TMEFF2: variants seen among roughly 807,000 people sequenced by gnomAD.
TMEFF2 encodes transmembrane protein with EGF like and two follistatin like domains 2.
In TMEFF2, 28 loss-of-function variants were observed where a neutral mutation model predicts 53.8. The ratio of observed to expected loss-of-function variants is 0.52; its 90% confidence interval spans 0.39 to 0.71. The LOEUF (loss-of-function observed/expected upper bound fraction) is 0.71, where lower values mean the gene tolerates loss of function less well. Among genes scored for constraint, TMEFF2 ranks in the 30% least tolerant of loss-of-function variants. TMEFF2 has a pLI of 0.00. For synonymous variants in TMEFF2, 162 were observed against 166.3 expected (o/e 0.97, Z 0.20); for missense variants, 353 against 455.2 (o/e 0.78, Z 2.04).
At chr2:192,119,773 T>A (rs1689504013) in intron 4 of TMEFF2, among the ~76,000 whole-genome samples, 1 of 152,232 alleles carries the variant, frequency 6.6e-6, no homozygotes, top group African/African-American at 2.4e-5. Context: ...AACAATGTCA[T>A]CTGTCCTCTA....
intron 5 of TMEFF2, among the ~76,000 whole-genome samples, chr2:192,049,850 A>C (rs1359512386): frequency 6.6e-6 from 1 of 152,040 alleles, no homozygotes; most frequent in African/African-American, 2.4e-5. Context: ...AAATACAAAA[A>C]ATTAGCCGGG....
intron 4 of TMEFF2, among the ~76,000 whole-genome samples, chr2:192,137,591 G>C (rs1199301460): frequency 6.6e-6 from 1 of 151,990 alleles, no homozygotes; most frequent in Non-Finnish European, 1.5e-5. Flanking sequence ...AAGGAGAGCA[G>C]GCATAGGTGG....
intron 4 of TMEFF2, among the ~76,000 whole-genome samples, chr2:192,170,595 A>G (rs1690885030): frequency 6.6e-6 from 1 of 152,050 alleles, no homozygotes; most frequent in African/African-American, 2.4e-5. Flanking sequence ...TTAGAAGAAA[A>G]TAGAGAAAAA....
In TMEFF2 at chr2:192,098,414, A is replaced by G. The variant is rs555745591; in HGVS notation, c.440-40639T>C. ...ATAATTTGCTCCAAAAAATTTCTTC[A>G]TTATCTGACAAGACAAGCTGCTCAA... On this transcript the variant is annotated intron_variant, in intron 4 of 9. Transcript: ENST00000272771. 6.6e-5 allele frequency among the ~76,000 whole-genome samples: 10 copies of G among 152,308 alleles called. No homozygotes were observed. In the South Asian group the frequency reaches 2.1e-3, roughly 32 times the overall value.
intron 4 of TMEFF2, among the ~76,000 whole-genome samples, chr2:192,097,631 G>A (rs1205326597): frequency 6.6e-6 from 1 of 152,136 alleles, no homozygotes; most frequent in East Asian, 1.9e-4. Context: ...TCCTGTTTAT[G>A]CGATATAGCA....
intron 7 of TMEFF2, among the ~76,000 whole-genome samples, chr2:191,972,269 C>T (rs937339497): frequency 1.4e-4 from 21 of 148,224 alleles, no homozygotes; most frequent in South Asian, 2.1e-4. Context: ...CTCAGCCTCC[C>T]GAATAGCTGG....
intron 5 of TMEFF2, among the ~76,000 whole-genome samples, chr2:192,014,509 G>A (rs182003228): frequency 6.6e-6 from 1 of 152,164 alleles, no homozygotes; most frequent in East Asian, 1.9e-4. Flanking sequence ...TTTGTTGTTA[G>A]TATCCTTAAG....
intron 7 of TMEFF2, among the ~76,000 whole-genome samples, chr2:191,984,122 A>G (rs1446684818): frequency 6.6e-6 from 1 of 151,858 alleles, no homozygotes; most frequent in East Asian, 1.9e-4. Flanking sequence ...TTTTTCTTTT[A>G]TTTTTCTTTT....
chr2:191,983,235 G>A (rs751376678), intron 7 of TMEFF2, among the ~76,000 whole-genome samples: 53 of 152,156 alleles, frequency 3.5e-4, no homozygotes, highest in Non-Finnish European at 6.8e-4. Flanking sequence ...AATAGTGGAA[G>A]GATGTTTGCA....
chr2:191,957,428 G>A (rs1692139037), intron 7 of TMEFF2, among the ~76,000 whole-genome samples: 1 of 152,052 alleles, frequency 6.6e-6, no homozygotes, highest in African/African-American at 2.4e-5. Flanking sequence ...ATGGAAAATG[G>A]CAAATGAATT....
chr2:191,970,811 C>T (rs956451597), intron 7 of TMEFF2, among the ~76,000 whole-genome samples: 8 of 152,094 alleles, frequency 5.3e-5, no homozygotes, highest in Middle Eastern at 3.2e-3. Flanking sequence ...AGATTGGTTT[C>T]GGCTAGGATG....
chr2:192,083,794 T>C (rs1688607510), intron 4 of TMEFF2, among the ~76,000 whole-genome samples: 1 of 151,664 alleles, frequency 6.6e-6, no homozygotes, highest in Non-Finnish European at 1.5e-5. Context: ...TATTCACATA[T>C]GAAATGTCTG....
chr2:192,147,323 GTTTTA>G (rs1009684587), intron 4 of TMEFF2, among the ~76,000 whole-genome samples: 6 of 149,684 alleles, frequency 4.0e-5, no homozygotes, highest in South Asian at 2.3e-4. Flanking sequence ...CTTCCTTTAT[GTTTTA>G]TTTTCTCTTT....
chr2:192,058,648 A>C (rs1687971605), intron 4 of TMEFF2, among the ~76,000 whole-genome samples: 1 of 152,174 alleles, frequency 6.6e-6, no homozygotes, highest in Non-Finnish European at 1.5e-5. Context: ...CTGTTTTCCC[A>C]GTTAAAAATA....
intron 7 of TMEFF2, among the ~76,000 whole-genome samples, chr2:191,967,632 G>A (rs201467397): frequency 1.3e-5 from 2 of 152,038 alleles, no homozygotes; most frequent in East Asian, 1.9e-4. Context: ...CTGACCTCAC[G>A]TCACCATTTT....
chr2:191,996,665 G>A (rs1686229509), intron 7 of TMEFF2, among the ~76,000 whole-genome samples: 1 of 151,500 alleles, frequency 6.6e-6, no homozygotes, highest in African/African-American at 2.4e-5. Context: ...AAACAATTTT[G>A]TTAAAAGCTG....
chr2:192,101,413 G>T (rs1689029132), intron 4 of TMEFF2, among the ~76,000 whole-genome samples: 1 of 152,060 alleles, frequency 6.6e-6, no homozygotes, highest in South Asian at 2.1e-4. Flanking sequence ...CAACAATATA[G>T]TTACTTTTTT....
At chr2:192,025,893 T>C (rs1404817862) in intron 5 of TMEFF2, among the ~76,000 whole-genome samples, 1 of 152,152 alleles carries the variant, frequency 6.6e-6, no homozygotes, top group Non-Finnish European at 1.5e-5. Context: ...GAAAAATACA[T>C]CCCTGACTGA....
intron 4 of TMEFF2, among the ~76,000 whole-genome samples, chr2:192,110,426 G>A (rs1689246687): frequency 6.6e-6 from 1 of 152,142 alleles, no homozygotes; most frequent in African/African-American, 2.4e-5. Flanking sequence ...TGTGCTAGTG[G>A]TAAAGGAAAG....
Sources: gnomAD v4.1 joint callset for allele counts (sites outside exome capture counted in the v4.1 genomes callset) on GRCh38, gnomAD v4.1.1 for gene constraint, MANE v1.5 for transcripts, NCBI Gene and HGNC (gene_info 2026-07-23, HGNC 2026-07-21) for gene names.